The following MARCO variants were observed in gnomAD, a reference collection of about 807,000 sequenced individuals.
The protein encoded by MARCO is macrophage receptor with collagenous structure.
Under a neutral mutation model 70.0 loss-of-function variants are expected in MARCO, and 72 were observed. The observed-to-expected ratio is 1.03, with a 90% CI of 0.85 to 1.25. The LOEUF is 1.25. Ranked by LOEUF, MARCO falls within the 50% of genes most tolerant of loss-of-function variation. MARCO has a pLI of 0.00. For missense variants in MARCO, 696 were observed against 659.3 expected, an observed-to-expected ratio of 1.06 and a Z score of -0.61; for synonymous variants, 273 against 243.1, an observed-to-expected ratio of 1.12 and a Z score of -1.14.
chr2:118,974,317 T>C lies in MARCO; in HGVS notation c.461-16T>C, dbSNP rs1023538236. 4 of 1,519,044 alleles carry C rather than the reference T, an allele frequency of 2.6e-6. No individual in the cohort carries two copies. The East Asian group carries it at 6.9e-5, about 26-fold the overall frequency. The allele number at this position is 1,519,044 out of a possible 1,614,324, so 94.1% of individuals were successfully genotyped here. A position where few individuals can be genotyped will look rare whatever the true frequency, so the allele number is the denominator to read the frequency against. On this transcript the variant is annotated splice_polypyrimidine_tract_variant and intron_variant, in intron 4 of 16. Coordinates refer to ENST00000327097, the MANE Select transcript of MARCO (RefSeq NM_006770.4). ...CTGTTGACTGACTCATTAGTGTCTC[T>C]GTTCCTCTTCCTCAGGTCTTCAAGG... is the stretch of plus-strand genomic sequence containing the variant.
chr2:118,959,362 G>A (rs188384571), intron 1 of MARCO, among the ~76,000 whole-genome samples: 3 of 152,170 alleles, frequency 2.0e-5, no homozygotes, highest in Non-Finnish European at 2.9e-5. Context: ...TGTACAAATG[G>A]CCAAGTGACA....
intron 12 of MARCO, 30 bp from the exon 13 acceptor site, chr2:118,990,559 T>TCCCC: frequency 7.6e-7 from 1 of 1,308,824 alleles, no homozygotes; most frequent in Non-Finnish European, 1.1e-6. Context: ...TATTATCTCC[T>TCCCC]CCCCCCCCCC....
At chr2:118,986,739 A>G (rs13431751) in intron 12 of MARCO, among the ~76,000 whole-genome samples, 3,233 of 127,152 alleles carry the variant, frequency 0.025, 560 homozygotes, top group African/African-American at 0.12. Flanking sequence ...AGAAAGAAAG[A>G]GAAAGAAAGA....
intron 4 of MARCO, among the ~76,000 whole-genome samples, chr2:118,972,896 C>G (rs1003069250): frequency 6.6e-6 from 1 of 152,234 alleles, no homozygotes; most frequent in African/African-American, 2.4e-5. Flanking sequence ...CCGCCCTAGG[C>G]ACAGTGCTGC....
At chr2:118,963,916 G>C (rs1407255281) in intron 1 of MARCO, among the ~76,000 whole-genome samples, 1 of 151,772 alleles carries the variant, frequency 6.6e-6, no homozygotes, top group African/African-American at 2.4e-5. Flanking sequence ...TTTTTTCTTT[G>C]TTTCCCATTC....
intron 1 of MARCO, among the ~76,000 whole-genome samples, chr2:118,948,774 G>A (rs1440230659): frequency 3.3e-5 from 5 of 151,988 alleles, no homozygotes; most frequent in Admixed American, 3.3e-4. Context: ...ACTTATTATA[G>A]TTGTTGAAGA....
intron 6 of MARCO, 111 bp downstream of exon 6, chr2:118,974,676 T>C: frequency 9.5e-7 from 1 of 1,048,716 alleles, no homozygotes. Flanking sequence ...GAGGGGTCTG[T>C]AGGTGAACGG....
chr2:118,961,534 T>C (rs56133595), intron 1 of MARCO, among the ~76,000 whole-genome samples: 18,551 of 152,200 alleles, frequency 0.12, 1,293 homozygotes, highest in South Asian at 0.27. Context: ...GAAGTGTCTG[T>C]TCATGTCCCT....
intron 12 of MARCO, among the ~76,000 whole-genome samples, chr2:118,986,688 A>G (rs199609255): frequency 0.12 from 8,902 of 76,404 alleles, 998 homozygotes; most frequent in East Asian, 0.29. Context: ...AAAGAAAGAA[A>G]GAAAGAAAGA....
At chr2:118,979,492 C>G (rs1271063686) in intron 8 of MARCO, among the ~76,000 whole-genome samples, 1 of 152,106 alleles carries the variant, frequency 6.6e-6, no homozygotes, top group Non-Finnish European at 1.5e-5. Flanking sequence ...ACACAGTTCT[C>G]TTTATAGATG....
In MARCO at chr2:118,971,379, T is replaced by C. The variant is rs1680167379; in HGVS notation, c.425-120T>C. 18 of 960,238 alleles carry C rather than the reference T, an allele frequency of 1.9e-5. No individual in the cohort carries two copies. The South Asian group carries it at 2.4e-4, about 13-fold the overall frequency. 59.5% of individuals were successfully genotyped at this position (960,238 alleles called of 1,614,324 possible). On this transcript the variant is annotated intron_variant, in intron 3 of 16. Coordinates refer to ENST00000327097, the MANE Select transcript of MARCO (RefSeq NM_006770.4). ...TCCTGTTGTCCAAACCCCCACAGTC[T>C]GATGGGAGCCCCACACAGGAGGGCT...
At position 118,994,575 on chromosome 2, in the gene MARCO, G is replaced by A. The variant is rs865928085; in HGVS notation, c.*55G>A. 1 of 1,508,448 alleles carries A rather than the reference G, an allele frequency of 6.6e-7. No homozygotes were observed. 93.4% of individuals were successfully genotyped at this position (1,508,448 alleles called of 1,614,324 possible). On this transcript the variant is annotated 3_prime_UTR_variant, in exon 17 of 17. Transcript: ENST00000327097. ...GAGGTGTCCTCGGGCTCATATGTGGGAAGGCAGAGGATCTCTGAGGAGTTC... is the reference window on the plus strand; with the variant it reads ...GAGGTGTCCTCGGGCTCATATGTGGAAAGGCAGAGGATCTCTGAGGAGTTC...
chr2:118,989,099 T>G (rs1680573793), intron 12 of MARCO, among the ~76,000 whole-genome samples: 1 of 152,232 alleles, frequency 6.6e-6, no homozygotes, highest in Non-Finnish European at 1.5e-5. Flanking sequence ...CACTTTGCTT[T>G]ACTGCCTTGG....
chr2:118,958,582 A>G (rs1386664267), intron 1 of MARCO, among the ~76,000 whole-genome samples: 4 of 152,134 alleles, frequency 2.6e-5, no homozygotes, highest in African/African-American at 7.2e-5. Context: ...TCGTACTGCC[A>G]AAAGCAATCT....
In MARCO at chr2:118,992,441, G is replaced by C. The variant is rs1284937012; in HGVS notation, c.1217G>C (p.Gly406Ala). The change falls in exon 15 of 17, where the codon GGG becomes GCG. Residue 406 changes from glycine (G) to alanine (A), a missense_variant. Physicochemically the swap from Gly to Ala is moderately conservative, Grantham distance 60. Around this residue, in one of 3 missense-constraint regions of MARCO, gnomAD observed 605 missense variants for 537.6 expected, o/e 1.13. Coordinates refer to ENST00000327097, the MANE Select transcript of MARCO (RefSeq NM_006770.4). ...KGDQGVKGSS[G>A]EQGVKGEKGE... is the part of the protein sequence containing the mutation. ...TTTCTCCTCATGACAGGATCTTCTG[G>C]GGAGCAAGGAGTAAAGGGAGAAAAA... 1 of 1,613,736 alleles carries C rather than the reference G, an allele frequency of 6.2e-7. No individual in the cohort carries two copies. The highest frequency in any genetic ancestry group is 2.2e-5 in the East Asian group (1 of 44,866).
intron 4 of MARCO, among the ~76,000 whole-genome samples, chr2:118,972,363 T>G (rs1252434158): frequency 6.6e-6 from 1 of 152,192 alleles, no homozygotes; most frequent in Non-Finnish European, 1.5e-5. Flanking sequence ...TCCCATAATA[T>G]TTCAAGGATG....
At chr2:118,990,458 A>T in intron 12 of MARCO, 131 bp from the exon 13 acceptor site, 1 of 840,404 alleles carries the variant, frequency 1.2e-6, no homozygotes. Flanking sequence ...GGCTTTAAAC[A>T]ATCGTGGAGA....
At chr2:118,975,389 G>A (rs987158181) in intron 6 of MARCO, among the ~76,000 whole-genome samples, 5 of 152,178 alleles carry the variant, frequency 3.3e-5, no homozygotes, top group African/African-American at 1.2e-4. Flanking sequence ...AACAAAGCAG[G>A]TCTCTAAGCC....
In MARCO at chr2:118,969,601, G is replaced by T. The variant is rs1046030594; in HGVS notation, c.199+340G>T. Among the ~76,000 whole-genome samples the T allele has an allele frequency of 3.3e-5, 5 of 152,330 alleles. No homozygotes were observed. The East Asian group carries it at 5.8e-4, about 18-fold the overall frequency. On this transcript the variant is annotated intron_variant, in intron 2 of 16. Coordinates refer to ENST00000327097, the MANE Select transcript of MARCO (RefSeq NM_006770.4). ...GCCTCTGAGTGGGAAGGGCTTTGCTGATCCAAGTGTCCATTTGAACATGAT... is the reference window on the plus strand; with the variant it reads ...GCCTCTGAGTGGGAAGGGCTTTGCTTATCCAAGTGTCCATTTGAACATGAT...
Sources: gnomAD v4.1 joint callset for allele counts (sites outside exome capture counted in the v4.1 genomes callset) on GRCh38, gnomAD v4.1.1 for gene constraint, gnomAD v4.1.1 regional missense constraint, MANE v1.5 for transcripts, NCBI Gene and HGNC (gene_info 2026-07-23, HGNC 2026-07-21) for gene names.